The following YEATS2 variants were observed in gnomAD, a reference collection of about 807,000 sequenced individuals.
YEATS2 encodes YEATS domain containing 2.
YEATS2 carries 77 observed loss-of-function variants against 163.2 expected under a neutral mutation model. The ratio of observed to expected loss-of-function variants is 0.47; its 90% CI spans 0.39 to 0.57. YEATS2 has a LOEUF of 0.57. YEATS2 is among the 20% of genes least tolerant of loss of function. YEATS2 has a pLI of 0.00. For missense variants in YEATS2, 1,549 were observed against 1,729.8 expected, an observed-to-expected ratio of 0.90 and a Z score of 1.85; for synonymous variants, 631 against 645.1, an observed-to-expected ratio of 0.98 and a Z score of 0.33.
At chr3:183,720,033 G>C (rs1405648622) in intron 4 of YEATS2, among the ~76,000 whole-genome samples, 1 of 152,018 alleles carries the variant, frequency 6.6e-6, no homozygotes, top group Non-Finnish European at 1.5e-5. Context: ...CTAAAGGCTT[G>C]GTTATTATAT....
chr3:183,715,510 T>C (rs1715757008), intron 2 of YEATS2, among the ~76,000 whole-genome samples: 1 of 151,940 alleles, frequency 6.6e-6, no homozygotes, highest in Non-Finnish European at 1.5e-5. Context: ...TAGCGATCAC[T>C]GTATGTTAGG....
chr3:183,783,528 ATAGT>A (rs1302803247), intron 19 of YEATS2, among the ~76,000 whole-genome samples: 3 of 152,154 alleles, frequency 2.0e-5, no homozygotes, highest in Non-Finnish European at 4.4e-5. Context: ...ATCATACCCA[ATAGT>A]TAGTTTTTTA....
chr3:183,799,814 A>AT (rs1211593365), intron 23 of YEATS2, among the ~76,000 whole-genome samples: 1 of 143,620 alleles, frequency 7.0e-6, no homozygotes, highest in Non-Finnish European at 1.5e-5. Flanking sequence ...TTAGAGTAGC[A>AT]TTGTTTTTTT....
chr3:183,798,972 C>T lies in YEATS2; in HGVS notation c.3308C>T (p.Pro1103Leu), dbSNP rs183641336. ...APTPVVPSSA[P>L]AAVAKVKTEP... ...ACTCCAGTTGTCCCCAGCTCTGCTCCAGCAGCTGTTGCAAAAGGTACGTAG... is the reference window on the plus strand; with the variant it reads ...ACTCCAGTTGTCCCCAGCTCTGCTCTAGCAGCTGTTGCAAAAGGTACGTAG... The change falls in exon 23 of 31, where the codon CCA (proline) becomes CTA (leucine). Residue 1103 changes from proline (P) to leucine (L), a missense_variant. Physicochemically the swap from Pro to Leu is moderately conservative, Grantham distance 98. Transcript: ENST00000305135. 1.2e-6 allele frequency: 2 copies of T among 1,613,978 alleles called. No individual in the cohort carries two copies. Among genetic ancestry groups the T allele is most frequent in the East Asian group, 2.2e-5 (1 of 44,886 alleles).
At chr3:183,722,201 C>A in intron 5 of YEATS2, 65 bp downstream of exon 5, 1 of 1,508,438 alleles carries the variant, frequency 6.6e-7, no homozygotes, top group Non-Finnish European at 8.9e-7. Context: ...CTAAAGTATG[C>A]GCTTGTTATC....
chr3:183,731,380 A>G (rs532625432), intron 7 of YEATS2, among the ~76,000 whole-genome samples: 1 of 152,138 alleles, frequency 6.6e-6, no homozygotes, highest in South Asian at 2.1e-4. Flanking sequence ...TTGTGTATTA[A>G]TTATATTTTT....
chr3:183,756,294 G>C (rs150811696), intron 11 of YEATS2, among the ~76,000 whole-genome samples: 3 of 152,106 alleles, frequency 2.0e-5, no homozygotes, highest in East Asian at 1.9e-4. Context: ...CAATTTCCTC[G>C]ATGATACTGA....
At chr3:183,702,729 G>C (rs1714229376) in intron 1 of YEATS2, among the ~76,000 whole-genome samples, 1 of 151,562 alleles carries the variant, frequency 6.6e-6, no homozygotes, top group African/African-American at 2.4e-5. Flanking sequence ...CAGCTACTCG[G>C]AGGCTGAGAC....
At position 183,758,887 on chromosome 3, in the gene YEATS2, G is replaced by C. The variant is rs746757654; in HGVS notation, c.1578G>C (p.Thr526=). ...STGSPTNKIS[T]ASQVSQGTGS... is the part of the protein sequence containing the mutation. The stretch of plus-strand genomic sequence containing the variant: ...GAAGTCCTACAAACAAGATCTCCAC[G>C]GCTTCTCAGGTCTCCCAAGGAACAG... Residue 526 remains threonine (T), a synonymous_variant, in exon 13 of 31, where the codon ACG becomes ACC. Transcript: ENST00000305135. 1.7e-5 allele frequency: 27 copies of C among 1,594,930 alleles called. No individual in the cohort carries two copies. Among genetic ancestry groups the C allele is most frequent in the Admixed American group, 1.1e-4 (6 of 54,762 alleles).
In YEATS2 at chr3:183,718,581, A is replaced by G; in HGVS notation, c.280A>G (p.Lys94Glu). Residue 94 changes from lysine to glutamate, a missense_variant, in exon 4 of 31, where the codon AAA becomes GAA. Lys to Glu is a moderately conservative substitution (Grantham distance 56). Coordinates refer to ENST00000305135, the MANE Select transcript of YEATS2 (RefSeq NM_018023.5). The stretch of plus-strand genomic sequence containing the variant: ...CTACTATGCTTCTGCAGGTCTTCTA[A>G]AAGTTTCTGAGGTAAGCATTCCTCA... ...ANYYASAGLL[K>E]VSEGSKTCDT... 1 of 1,611,838 alleles carries G rather than the reference A, an allele frequency of 6.2e-7. No individual in the cohort carries two copies. The highest frequency in any genetic ancestry group is 8.5e-7 in the Non-Finnish European group (1 of 1,179,124).
At position 183,721,981 on chromosome 3, in the gene YEATS2, CAGAG is replaced by C; in HGVS notation, c.385_388del (p.Arg129GlnfsTer32). The C allele has an allele frequency of 1.2e-6, 2 of 1,614,164 alleles. No homozygotes were observed. The highest frequency in any genetic ancestry group is 8.5e-7 in the Non-Finnish European group (1 of 1,180,040). Reference sequence around the variant, plus strand: ...ATCTAGGTCATCATCTCCTGCCAATCAGAGAGCAGAAACACCATCAGCCAATCAT... The same window carrying C: ...ATCTAGGTCATCATCTCCTGCCAATCAGCAGAAACACCATCAGCCAATCAT... On this transcript the variant is annotated frameshift_variant, in exon 5 of 31. Coordinates refer to ENST00000305135, the MANE Select transcript of YEATS2 (RefSeq NM_018023.5). LOFTEE classifies it high-confidence loss of function.
In YEATS2 at chr3:183,716,120, T is replaced by C. The variant is rs537811792; in HGVS notation, c.100+858T>C. 1.2e-4 allele frequency among the ~76,000 whole-genome samples: 18 copies of C among 152,028 alleles called. No homozygotes were observed. The South Asian group carries it at 2.7e-3, about 23-fold the overall frequency. ...GACTACAGGCACCCGCCACCACGCC[T>C]TGCTAATATTTTGTATTTTTAGTAG... On this transcript the variant is annotated intron_variant, in intron 2 of 30. Transcript: ENST00000305135.
At chr3:183,777,940 C>T (rs1252094634) in intron 19 of YEATS2, among the ~76,000 whole-genome samples, 4 of 151,710 alleles carry the variant, frequency 2.6e-5, no homozygotes, top group Non-Finnish European at 1.5e-5. Flanking sequence ...AGTGAAACCC[C>T]GTCTCTACTA....
At chr3:183,722,514 C>T (rs187345950) in intron 5 of YEATS2, among the ~76,000 whole-genome samples, 1 of 152,230 alleles carries the variant, frequency 6.6e-6, no homozygotes, top group Non-Finnish European at 1.5e-5. Flanking sequence ...TGGTCTCGAT[C>T]TCCTGACCTC....
chr3:183,706,679 G>A (rs1382760145), intron 1 of YEATS2, among the ~76,000 whole-genome samples: 2 of 152,212 alleles, frequency 1.3e-5, no homozygotes, highest in African/African-American at 4.8e-5. Flanking sequence ...AGCCCGGCGC[G>A]GTGGCGCATA....
chr3:183,788,102 C>T (rs1577194612), intron 20 of YEATS2, among the ~76,000 whole-genome samples: 2 of 152,228 alleles, frequency 1.3e-5, no homozygotes, highest in Admixed American at 1.3e-4. Flanking sequence ...GCGTAATAAT[C>T]GCATCAGGGT....
intron 8 of YEATS2, among the ~76,000 whole-genome samples, chr3:183,745,522 T>TC (rs1719439318): frequency 6.6e-6 from 1 of 152,196 alleles, no homozygotes; most frequent in Non-Finnish European, 1.5e-5. Flanking sequence ...TTTGCATTCT[T>TC]CAAGTTCTTA....
intron 21 of YEATS2, among the ~76,000 whole-genome samples, chr3:183,794,414 T>C (rs1295809095): frequency 6.6e-6 from 1 of 152,244 alleles, no homozygotes; most frequent in East Asian, 1.9e-4. Flanking sequence ...GCTAGCATAC[T>C]GCTGCTTTTC....
rs200048624 is a variant in YEATS2, at chr3:183,722,278, C to CTTTTTT, written c.537+165_537+170dup. 180 of 310,376 alleles carry CTTTTTT rather than the reference C, an allele frequency of 5.8e-4. 24 individuals are homozygous for CTTTTTT. In the African/African-American group the frequency reaches 7.6e-3, roughly 13 times the overall value. The allele number at this position is 310,376 out of a possible 1,614,324, so 19.2% of individuals were successfully genotyped here. Reference sequence around the variant, plus strand: ...TCCTTTTATAATGGGGAAACCAAATCTTTTTTTTTTTTTTTTTTTTTTTTT... The same window carrying CTTTTTT: ...TCCTTTTATAATGGGGAAACCAAATCTTTTTTTTTTTTTTTTTTTTTTTTTTTTTTT... On this transcript the variant is annotated intron_variant, in intron 5 of 30. Transcript: ENST00000305135.
Sources: allele counts gnomAD v4.1 joint callset (sites outside exome capture counted in the v4.1 genomes callset), GRCh38; gene constraint gnomAD v4.1.1; transcripts MANE v1.5; gene names NCBI Gene and HGNC (gene_info 2026-07-23, HGNC 2026-07-21).